Variants in ZDHHC15 observed in about 807,000 individuals in gnomAD.
ZDHHC15 encodes palmitoyltransferase ZDHHC15.
In ZDHHC15, 19 loss-of-function variants were observed where a neutral mutation model predicts 31.7. The observed-to-expected ratio is 0.60, with a 90% CI of 0.42 to 0.88. The LOEUF (loss-of-function observed/expected upper bound fraction) is 0.88. Among genes scored for constraint, ZDHHC15 ranks in the 40% least tolerant of loss-of-function variants. The pLI, the probability that ZDHHC15 is intolerant of heterozygous loss-of-function variation, is 0.00. For missense variants in ZDHHC15, 209 were observed against 251.2 expected, an observed-to-expected ratio of 0.83 and a Z score of 1.14; for synonymous variants, 103 against 90.0, an observed-to-expected ratio of 1.14 and a Z score of -0.82.
chrX:75,459,489 CA>C (rs1406732345), intron 3 of ZDHHC15, among the ~76,000 whole-genome samples: 2 of 111,307 alleles, frequency 1.8e-5, no homozygotes, highest in African/African-American at 6.5e-5. Flanking sequence ...TTGGAGAGTG[CA>C]AATGGCCCAG....
intron 10 of ZDHHC15, among the ~76,000 whole-genome samples, chrX:75,381,055 G>C (rs1460028733): frequency 9.0e-6 from 1 of 111,353 alleles, no homozygotes; most frequent in East Asian, 2.8e-4. Context: ...CTTAGGTTGA[G>C]TCACCACTGC....
At chrX:75,373,816 C>A (rs2083025277) in intron 11 of ZDHHC15, among the ~76,000 whole-genome samples, 1 of 109,919 alleles carries the variant, frequency 9.1e-6, no homozygotes, top group African/African-American at 3.3e-5. Context: ...CTTTGTGTTA[C>A]CAACAATCCA....
At chrX:75,484,030 T>A (rs1388651351) in intron 2 of ZDHHC15, among the ~76,000 whole-genome samples, 1 of 112,147 alleles carries the variant, frequency 8.9e-6, no homozygotes, top group African/African-American at 3.2e-5. Flanking sequence ...TAATTTATGT[T>A]AATTTCACAC....
At chrX:75,411,288 A>G (rs1351123169) in intron 10 of ZDHHC15, among the ~76,000 whole-genome samples, 1 of 109,857 alleles carries the variant, frequency 9.1e-6, no homozygotes, top group Non-Finnish European at 1.9e-5. Flanking sequence ...AGCTCACTGC[A>G]AGCTCTGCTT....
intron 3 of ZDHHC15, among the ~76,000 whole-genome samples, chrX:75,477,389 A>G (rs1261716185): frequency 9.0e-6 from 1 of 111,671 alleles, no homozygotes; most frequent in Non-Finnish European, 1.9e-5. Flanking sequence ...TGTTGTTCAA[A>G]TCCTCCATTT....
At chrX:75,424,413 A>G (rs1209585181) in intron 8 of ZDHHC15, among the ~76,000 whole-genome samples, 2 of 111,505 alleles carry the variant, frequency 1.8e-5, no homozygotes. Context: ...ATAAAGAACA[A>G]TGGCCATTTT....
chrX:75,495,365 G>C (rs1343683845), intron 2 of ZDHHC15, among the ~76,000 whole-genome samples: 4 of 111,524 alleles, frequency 3.6e-5, no homozygotes, highest in Admixed American at 1.9e-4. Context: ...TTGTGGAGGT[G>C]AGTGTGGCGA....
rs2082986913 is a variant in ZDHHC15 at position 75,369,470 on chromosome X, G to T, written c.*3508C>A. 9.0e-6 allele frequency: 1 copy of T among 111,416 alleles called. No homozygotes were observed. The highest frequency in any genetic ancestry group is 3.7e-4 in the South Asian group (1 of 2,685). 9.2% of individuals were successfully genotyped at this position (111,416 alleles called of 1,213,427 possible). On this transcript the variant is annotated 3_prime_UTR_variant, in exon 12 of 12. Transcript: ENST00000373367. ...AATTTTAGGTTCATGTTACAATAATGTATAATATTCAGTATTCTTAAAACT... is the reference window on the plus strand; with the variant it reads ...AATTTTAGGTTCATGTTACAATAATTTATAATATTCAGTATTCTTAAAACT...
chrX:75,385,944 C>A (rs770914133), intron 10 of ZDHHC15, among the ~76,000 whole-genome samples: 1 of 111,425 alleles, frequency 9.0e-6, no homozygotes, highest in African/African-American at 3.3e-5. Flanking sequence ...AATAAAATAC[C>A]CTTGAGCTGA....
intron 10 of ZDHHC15, among the ~76,000 whole-genome samples, chrX:75,403,613 C>T (rs374026941): frequency 1.8e-5 from 2 of 111,672 alleles, no homozygotes; most frequent in East Asian, 2.8e-4. Flanking sequence ...AAATCAGGAA[C>T]GAATTCCCAT....
intron 10 of ZDHHC15, among the ~76,000 whole-genome samples, chrX:75,410,255 C>A (rs1354649465): frequency 9.0e-6 from 1 of 110,779 alleles, no homozygotes; most frequent in African/African-American, 3.3e-5. Flanking sequence ...AAGAAAACAA[C>A]CAACAAAGTG....
At chrX:75,388,998 C>T (rs777737618) in intron 10 of ZDHHC15, among the ~76,000 whole-genome samples, 2 of 111,802 alleles carry the variant, frequency 1.8e-5, no homozygotes, top group Non-Finnish European at 3.8e-5. Flanking sequence ...CACCCCTCTC[C>T]CATCTCCTAG....
intron 10 of ZDHHC15, among the ~76,000 whole-genome samples, chrX:75,388,133 G>A (rs768684969): frequency 2.7e-5 from 3 of 111,981 alleles, no homozygotes; most frequent in East Asian, 5.6e-4. Flanking sequence ...AGTCTTTCCC[G>A]GATAAACAAA....
chrX:75,371,494 G>A lies in ZDHHC15; in HGVS notation c.*1484C>T, dbSNP rs2083005588. ...GGGATCCAGATGAACAGGTTTTGTT[G>A]TTGCTTTAAGTAGCTGGATTGTTCA... is the stretch of plus-strand genomic sequence containing the variant. On this transcript the variant is annotated 3_prime_UTR_variant, in exon 12 of 12. Transcript: ENST00000373367. The A allele has an allele frequency of 1.8e-5, 2 of 111,939 alleles. No individual in the cohort carries two copies. The highest frequency in any genetic ancestry group is 1.9e-4 in the Admixed American group (2 of 10,537). The allele number at this position is 111,939 out of a possible 1,213,427, so 9.2% of individuals were successfully genotyped here. A position where few individuals can be genotyped will look rare whatever the true frequency, so the allele number is the denominator to read the frequency against.
chrX:75,459,008 A>T (rs966720162), intron 3 of ZDHHC15, among the ~76,000 whole-genome samples: 1 of 96,934 alleles, frequency 1.0e-5, no homozygotes, highest in Non-Finnish European at 2.2e-5. Flanking sequence ...AAAAAAAAAA[A>T]AAACAACCCC....
At chrX:75,438,813 T>C (rs763111814) in intron 4 of ZDHHC15, among the ~76,000 whole-genome samples, 6 of 112,275 alleles carry the variant, frequency 5.3e-5, no homozygotes, top group Non-Finnish European at 1.1e-4. Flanking sequence ...TTTCAAGATA[T>C]TGAACTCCTT....
chrX:75,474,448 TACACACACACACACACACACACAC>T (rs752694258), intron 3 of ZDHHC15, among the ~76,000 whole-genome samples: 1 of 78,648 alleles, frequency 1.3e-5, no homozygotes. Flanking sequence ...TATATATATA[TACACACACACACACACACACACAC>T]ATATATGTAC....
At chrX:75,413,713 A>C (rs750795584) in intron 10 of ZDHHC15, among the ~76,000 whole-genome samples, 22 of 111,227 alleles carry the variant, frequency 2.0e-4, no homozygotes, top group South Asian at 3.8e-4. Flanking sequence ...CAAAACAAAA[A>C]AAAACACAGA....
chrX:75,381,557 C>A lies in ZDHHC15; in HGVS notation c.968-2359G>T, dbSNP rs1048567194. Among the ~76,000 whole-genome samples, 24 of 111,652 alleles carry A rather than the reference C, an allele frequency of 2.1e-4. 1 individual carries two copies. The highest frequency in any genetic ancestry group is 7.8e-4 in the African/African-American group (24 of 30,741). On this transcript the variant is annotated intron_variant, in intron 10 of 11. Transcript: ENST00000373367. ...TTCAATCCATCCTGCATACTAGCAC[C>A]CAAGTAATCTTTCTAAAATTAACCT...
Sources: gnomAD v4.1 joint callset for allele counts (sites outside exome capture counted in the v4.1 genomes callset) on GRCh38, gnomAD v4.1.1 for gene constraint, MANE v1.5 for transcripts, NCBI Gene and HGNC (gene_info 2026-07-23, HGNC 2026-07-21) for gene names.